Variants in ELP1 observed in about 807,000 individuals in gnomAD.
The protein encoded by ELP1 is elongator complex protein 1.
ELP1 carries 131 observed loss-of-function variants against 183.2 expected under a neutral mutation model. The observed-to-expected ratio is 0.72, with a 90% CI of 0.62 to 0.83. ELP1 has a LOEUF of 0.83. Ranked by LOEUF, ELP1 falls within the 40% of genes least tolerant of loss-of-function variation. The probability of loss-of-function intolerance (pLI) is 0.00; values close to 1 mark genes in which losing one functional copy is unlikely to be tolerated. For missense variants in ELP1, 1,550 were observed against 1,594.9 expected (o/e 0.97, Z 0.48); for synonymous variants, 555 against 569.0 (o/e 0.98, Z 0.35).
At chr9:108,879,635 T>C in intron 32 of ELP1, 78 bp from the exon 33 acceptor site, 3 of 642,444 alleles carry the variant, frequency 4.7e-6, no homozygotes, top group Non-Finnish European at 2.4e-6. Flanking sequence ...GTAAATGAAC[T>C]AACTAGAGTC....
At chr9:108,903,067 T>C (rs1277711611) in intron 15 of ELP1, 125 bp from the exon 16 acceptor site, 8 of 600,958 alleles carry the variant, frequency 1.3e-5, no homozygotes, top group Admixed American at 3.0e-5. Context: ...AATGCTGGCA[T>C]TATTTATTTA....
At chr9:108,929,016 T>C (rs1282474311) in intron 3 of ELP1, among the ~76,000 whole-genome samples, 1 of 152,210 alleles carries the variant, frequency 6.6e-6, no homozygotes, top group Non-Finnish European at 1.5e-5. Context: ...CATAAGGTCA[T>C]GGTGAAGATT....
rs1301004343 is a variant in ELP1, at chr9:108,900,829, CACACAT to C, written c.2015-460_2015-455del. Among the ~76,000 whole-genome samples the C allele has an allele frequency of 7.1e-4, 73 of 102,410 alleles. 1 individual carries two copies. Among genetic ancestry groups the C allele is most frequent in the African/African-American group, 2.7e-3 (69 of 25,438 alleles). The allele number at this position is 102,410 out of a possible 152,430, so 67.2% of individuals were successfully genotyped here. On this transcript the variant is annotated intron_variant, in intron 18 of 36. Coordinates refer to ENST00000374647, the MANE Select transcript of ELP1 (RefSeq NM_003640.5). ...ACGCCACACACACATACACGCCACA[CACACAT>C]ACACGCCACACACACATACACGCCA...
At chr9:108,874,096 C>T (rs376195509) in intron 36 of ELP1, among the ~76,000 whole-genome samples, 3 of 152,136 alleles carry the variant, frequency 2.0e-5, no homozygotes, top group Non-Finnish European at 4.4e-5. Context: ...CATCAAAATG[C>T]TATTACAGTG....
chr9:108,922,487 A>G (rs1485256662), intron 6 of ELP1, among the ~76,000 whole-genome samples: 1 of 152,226 alleles, frequency 6.6e-6, no homozygotes, highest in Admixed American at 6.5e-5. Flanking sequence ...AAAGTATGAG[A>G]ACATGCATGT....
intron 12 of ELP1, 140 bp from the exon 13 acceptor site, chr9:108,908,544 T>A (rs838823): frequency 4.3e-6 from 3 of 695,862 alleles, no homozygotes; most frequent in Non-Finnish European, 5.1e-6. Flanking sequence ...TCCTTAAAAT[T>A]TCTGCTTTCC....
intron 29 of ELP1, among the ~76,000 whole-genome samples, chr9:108,882,671 G>A (rs996852361): frequency 1.3e-5 from 2 of 148,382 alleles, no homozygotes; most frequent in Non-Finnish European, 1.5e-5. Flanking sequence ...CACAGCTCAC[G>A]GCAGCCTTGA....
intron 29 of ELP1, 45 bp downstream of exon 29, chr9:108,889,287 C>T: frequency 6.5e-7 from 1 of 1,537,832 alleles, no homozygotes; most frequent in Non-Finnish European, 9.0e-7. Context: ...TTGAGAAGAC[C>T]TTTCTTGCTG....
intron 27 of ELP1, 58 bp downstream of exon 27, chr9:108,892,928 C>T (rs1368465560): frequency 3.3e-6 from 4 of 1,197,422 alleles, no homozygotes; most frequent in African/African-American, 1.5e-5. Flanking sequence ...ATCCTCACTC[C>T]TTTCCTACTA....
At chr9:108,926,653 C>T (rs1346521766) in intron 4 of ELP1, 50 bp from the exon 5 acceptor site, 3 of 1,454,746 alleles carry the variant, frequency 2.1e-6, no homozygotes, top group African/African-American at 2.8e-5. Flanking sequence ...AACAAATTTG[C>T]CATTCCTAAG....
intron 10 of ELP1, 31 bp downstream of exon 10, chr9:108,916,173 G>T (rs753187565): frequency 1.3e-6 from 2 of 1,513,484 alleles, no homozygotes; most frequent in Non-Finnish European, 1.8e-6. Flanking sequence ...GTTTTATGGG[G>T]CAGAAGGCTG....
intron 29 of ELP1, among the ~76,000 whole-genome samples, chr9:108,885,392 T>C (rs1197511799): frequency 6.6e-6 from 1 of 152,144 alleles, no homozygotes; most frequent in Non-Finnish European, 1.5e-5. Context: ...TTCATACCAA[T>C]AAATCTGACA....
At chr9:108,875,446 C>T (rs1351326901) in intron 35 of ELP1, among the ~76,000 whole-genome samples, 9 of 152,238 alleles carry the variant, frequency 5.9e-5, no homozygotes, top group Non-Finnish European at 2.9e-5. Context: ...GCAGGAATTT[C>T]AAGCCTGCAG....
intron 16 of ELP1, among the ~76,000 whole-genome samples, 200 bp from the exon 17 acceptor site, chr9:108,901,881 T>C (rs575178897): frequency 6.6e-6 from 1 of 152,136 alleles, no homozygotes; most frequent in South Asian, 2.1e-4. Context: ...AGCCCTGACA[T>C]CTCCATCTCC....
chr9:108,917,758 C>T (rs1042026417), intron 8 of ELP1, 88 bp from the exon 9 acceptor site: 23 of 1,341,590 alleles, frequency 1.7e-5, no homozygotes, highest in Non-Finnish European at 2.4e-5. Context: ...TTCCAGCAAA[C>T]ATGAATGAAT....
chr9:108,891,157 T>G (rs781153797), intron 28 of ELP1, 46 bp downstream of exon 28: 138 of 1,584,714 alleles, frequency 8.7e-5, no homozygotes, highest in Non-Finnish European at 7.9e-5. Flanking sequence ...AGAAATAAAT[T>G]TTTTAAAACC....
chr9:108,913,945 G>A (rs1342111850), intron 10 of ELP1, among the ~76,000 whole-genome samples: 1 of 152,180 alleles, frequency 6.6e-6, no homozygotes, highest in Non-Finnish European at 1.5e-5. Flanking sequence ...TCACTTGGGG[G>A]CTTTTGGTTT....
chr9:108,883,722 T>C (rs1828017737), intron 29 of ELP1, among the ~76,000 whole-genome samples: 1 of 152,070 alleles, frequency 6.6e-6, no homozygotes, highest in Non-Finnish European at 1.5e-5. Flanking sequence ...GAAGATATGG[T>C]CAGTTAATGA....
rs538423053 is a variant in ELP1, at chr9:108,916,433, A to G, written c.865-136T>C. The G allele has an allele frequency of 2.2e-5, 16 of 736,528 alleles. No homozygotes were observed. In the East Asian group the frequency reaches 3.8e-4, roughly 18 times the overall value. 45.6% of individuals were successfully genotyped at this position (736,528 alleles called of 1,614,324 possible). Reference sequence around the variant, plus strand: ...ATCCCTAGCTGTAAATCACTAACCTACAGAGGCATTAAACAAATCTGTAAA... The same window carrying G: ...ATCCCTAGCTGTAAATCACTAACCTGCAGAGGCATTAAACAAATCTGTAAA... On this transcript the variant is annotated intron_variant, in intron 9 of 36. Coordinates refer to ENST00000374647, the MANE Select transcript of ELP1 (RefSeq NM_003640.5).
Sources: gnomAD v4.1 joint callset for allele counts (sites outside exome capture counted in the v4.1 genomes callset) on GRCh38, gnomAD v4.1.1 for gene constraint, MANE v1.5 for transcripts, NCBI Gene and HGNC (gene_info 2026-07-23, HGNC 2026-07-21) for gene names.